The following GBF1 variants were observed in gnomAD, a reference collection of about 807,000 sequenced individuals.
GBF1 encodes the protein Golgi-specific brefeldin A-resistance guanine nucleotide exchange factor 1.
GBF1 carries 114 observed loss-of-function variants against 210.5 expected under a neutral mutation model. The observed-to-expected ratio is 0.54, with a 90% CI of 0.47 to 0.63. GBF1 has a LOEUF of 0.63. Among genes scored for constraint, GBF1 ranks in the 30% least tolerant of loss-of-function variants. The pLI, the probability that GBF1 is intolerant of heterozygous loss-of-function variation, is 0.00. For missense variants in GBF1, 1,851 were observed against 2,357.7 expected (o/e 0.79, Z 4.45); for synonymous variants, 850 against 889.2 (o/e 0.96, Z 0.78).
At chr10:102,267,115 C>G (rs549059570) in intron 3 of GBF1, among the ~76,000 whole-genome samples, 51 of 152,314 alleles carry the variant, frequency 3.3e-4, no homozygotes, top group Non-Finnish European at 2.9e-5. Context: ...TTGAGAATGC[C>G]TGATACCTCA....
At chr10:102,367,452 GA>G (rs1565170163) in intron 20 of GBF1, 25 bp from the exon 21 acceptor site, 17 of 1,502,536 alleles carry the variant, frequency 1.1e-5, no homozygotes, top group Non-Finnish European at 1.6e-5. Flanking sequence ...GACACAAGGG[GA>G]AAAAACTTAC....
chr10:102,244,343 C>G (rs2070650033), upstream of GBF1, among the ~76,000 whole-genome samples: 1 of 152,094 alleles, frequency 6.6e-6, no homozygotes, highest in African/African-American at 2.4e-5. Flanking sequence ...TTCTCCAGGT[C>G]TGCAGGGACA....
Position 102,363,806 on chromosome 10 carries a change from C to G in GBF1, c.2106+8C>G. 2.7e-6 allele frequency: 4 copies of G among 1,497,740 alleles called. No individual in the cohort carries two copies. Among genetic ancestry groups the G allele is most frequent in the Non-Finnish European group, 3.7e-6 (4 of 1,074,284 alleles). 92.8% of individuals were successfully genotyped at this position (1,497,740 alleles called of 1,614,324 possible). ...ATTAAAAACAAAAAGAAGGTACATA[C>G]ATGTATTCCCCAGCCTCTGTCCACC... On this transcript the variant is annotated splice_region_variant and intron_variant, in intron 17 of 39. Coordinates refer to ENST00000369983, the MANE Select transcript of GBF1 (RefSeq NM_001377137.1). This position sits in a 1 kb window ranked among gnomAD's most constrained non-coding sequence, Gnocchi z 4.2.
rs142846104 is a variant in GBF1 at position 102,365,319 on chromosome 10, G to A, written c.2107-78G>A. On this transcript the variant is annotated intron_variant, in intron 17 of 39. Transcript: ENST00000369983. The stretch of plus-strand genomic sequence containing the variant: ...CTTTTTAGCTGACCAACTGTGGGTG[G>A]GCTATGGTGGACTCCAGGCTGGCCT... The A allele has an allele frequency of 3.3e-4, 338 of 1,037,970 alleles. 1 individual carries two copies. In the African/African-American group the frequency reaches 4.0e-3, roughly 12 times the overall value. The allele number at this position is 1,037,970 out of a possible 1,614,324, so 64.3% of individuals were successfully genotyped here.
At chr10:102,353,893 C>T (rs2134862403) in intron 8 of GBF1, among the ~76,000 whole-genome samples, 1 of 152,290 alleles carries the variant, frequency 6.6e-6, no homozygotes, top group South Asian at 2.1e-4. Context: ...GCCAGTTCTT[C>T]ATGGAAACTG....
chr10:102,323,610 A>T (rs2056633348), intron 3 of GBF1, among the ~76,000 whole-genome samples: 1 of 138,582 alleles, frequency 7.2e-6, no homozygotes, highest in Admixed American at 7.6e-5. Flanking sequence ...GGAGAACGGG[A>T]CCTCGCTATA....
intron 8 of GBF1, 109 bp from the exon 9 acceptor site, chr10:102,357,930 T>C: frequency 1.3e-6 from 1 of 760,062 alleles, no homozygotes; most frequent in Admixed American, 2.0e-5. Context: ...TTAGCAAAGA[T>C]ATGGGGTATA....
chr10:102,297,031 C>A (rs1291224792), intron 3 of GBF1, among the ~76,000 whole-genome samples: 1 of 144,580 alleles, frequency 6.9e-6, no homozygotes, highest in African/African-American at 2.6e-5. Context: ...AGCAACAGAG[C>A]GAGACTGTCT....
intron 3 of GBF1, among the ~76,000 whole-genome samples, chr10:102,302,448 CA>C (rs905059570): frequency 4.1e-4 from 61 of 147,934 alleles, no homozygotes; most frequent in Middle Eastern, 3.4e-3. Context: ...AATGCCATAC[CA>C]AAAAAAAAAT....
chr10:102,298,570 C>T (rs376970521), intron 3 of GBF1, among the ~76,000 whole-genome samples: 2 of 152,168 alleles, frequency 1.3e-5, no homozygotes, highest in Non-Finnish European at 2.9e-5. Context: ...TCGTATATTT[C>T]GTAAGCATTT....
Position 102,382,882 on chromosome 10 carries a change from G to A in GBF1, c.*546G>A, listed in dbSNP as rs930912256. 1 of 152,980 alleles carries A rather than the reference G, an allele frequency of 6.5e-6. No homozygotes were observed. Among genetic ancestry groups the A allele is most frequent in the African/African-American group, 2.4e-5 (1 of 41,462 alleles). 9.5% of individuals were successfully genotyped at this position (152,980 alleles called of 1,614,324 possible). A position where few individuals can be genotyped will look rare whatever the true frequency, so the allele number is the denominator to read the frequency against. On this transcript the variant is annotated 3_prime_UTR_variant, in exon 40 of 40. Coordinates refer to ENST00000369983, the MANE Select transcript of GBF1 (RefSeq NM_001377137.1). ...GTGGACTTTTTATGATATAATAAATGTCTTAGTACCAGCATCATTGTCTCT... is the reference window on the plus strand; with the variant it reads ...GTGGACTTTTTATGATATAATAAATATCTTAGTACCAGCATCATTGTCTCT...
At chr10:102,312,159 C>T (rs1339314222) in intron 3 of GBF1, among the ~76,000 whole-genome samples, 3 of 152,132 alleles carry the variant, frequency 2.0e-5, no homozygotes, top group African/African-American at 7.2e-5. Context: ...GGCGTGGTGG[C>T]GCATGCCTGT....
intron 30 of GBF1, 56 bp from the exon 31 acceptor site, chr10:102,376,216 C>G (rs2060485463): frequency 1.4e-6 from 2 of 1,392,420 alleles, no homozygotes; most frequent in African/African-American, 2.8e-5. Flanking sequence ...TGATTTATCC[C>G]TCATCCCAGT....
chr10:102,274,318 G>A (rs1454632589), intron 3 of GBF1, among the ~76,000 whole-genome samples: 1 of 152,144 alleles, frequency 6.6e-6, no homozygotes, highest in Non-Finnish European at 1.5e-5. Flanking sequence ...TGTCCACATT[G>A]TCTGTCCCAC....
Position 102,353,744 on chromosome 10 carries a change from T to C in GBF1, c.639+90T>C, listed in dbSNP as rs912528852. ...GGGGTAACCTTGCTTAGCAAAGATA[T>C]GCTTTTGCCTAAACAGGTCTGCTTG... On this transcript the variant is annotated intron_variant, in intron 8 of 39. Coordinates refer to ENST00000369983, the MANE Select transcript of GBF1 (RefSeq NM_001377137.1). The C allele has an allele frequency of 1.6e-5, 14 of 888,150 alleles. No individual in the cohort carries two copies. In the Middle Eastern group the frequency reaches 6.5e-4, roughly 41 times the overall value. The allele number at this position is 888,150 out of a possible 1,614,324, so 55.0% of individuals were successfully genotyped here.
chr10:102,287,203 A>T (rs2076021222), intron 3 of GBF1, among the ~76,000 whole-genome samples: 1 of 152,016 alleles, frequency 6.6e-6, no homozygotes, highest in Non-Finnish European at 1.5e-5. Context: ...TTATTATGTT[A>T]TCGATTGCTG....
At chr10:102,238,581 C>T in the GBF1 span, among the ~76,000 whole-genome samples, 3 of 152,278 alleles carry the variant, frequency 2.0e-5, no homozygotes, top group East Asian at 3.9e-4. Context: ...AAGTCTCAGC[C>T]CCACTTTTCC....
In GBF1 at chr10:102,361,032, T is replaced by C. The variant is rs1238034972; in HGVS notation, c.1403T>C (p.Ile468Thr). The C allele has an allele frequency of 3.3e-6, 5 of 1,525,802 alleles. No individual in the cohort carries two copies. Among genetic ancestry groups the C allele is most frequent in the Non-Finnish European group, 3.6e-6 (4 of 1,100,806 alleles). 94.5% of individuals were successfully genotyped at this position (1,525,802 alleles called of 1,614,324 possible). The change falls in exon 13 of 40, where the codon ATA (isoleucine) becomes ACA (threonine). Residue 468 changes from isoleucine to threonine, a missense_variant. This residue lies in a region of GBF1 where 804 missense variants were observed against 958.6 expected (regional missense o/e 0.84). Coordinates refer to ENST00000369983, the MANE Select transcript of GBF1 (RefSeq NM_001377137.1). ...MCRHLFQLLS[I>T]ERLNLYAASL... ...TGCTCTCATCTCCAGCTACTCAGCA[T>C]AGAGCGACTAAACCTTTATGCTGCT...
rs1293434421 is a variant in GBF1 at position 102,366,495 on chromosome 10, G to A, written c.2422G>A (p.Glu808Lys). Residue 808 changes from glutamate to lysine, a missense_variant, in exon 19 of 40, where the codon GAG becomes AAG. Glu to Lys is a moderately conservative substitution (Grantham distance 56). Transcript: ENST00000369983. This position sits in a 1 kb window ranked among gnomAD's most constrained non-coding sequence, Gnocchi z 4.0. The stretch of plus-strand genomic sequence containing the variant: ...CCAGAGGTTGCTGGAGGCATTCACA[G>A]AGCGTTGGATGGTGAGTTTGAGTGT... ...VIQRLLEAFT[E>K]RWMNCNGSPF... is the part of the protein sequence containing the mutation. 6.2e-7 allele frequency: 1 copy of A among 1,613,770 alleles called. No individual in the cohort carries two copies.
Sources: allele counts gnomAD v4.1 joint callset (sites outside exome capture counted in the v4.1 genomes callset), GRCh38; gene constraint gnomAD v4.1.1; regional missense constraint gnomAD v4.1.1; non-coding constraint Gnocchi (gnomAD v3.1); transcripts MANE v1.5; gene names NCBI Gene and HGNC (gene_info 2026-07-23, HGNC 2026-07-21).